CHRNB3: variants seen among roughly 807,000 people sequenced by gnomAD.
The protein encoded by CHRNB3 is neuronal acetylcholine receptor subunit beta-3.
In CHRNB3, 37 loss-of-function variants were observed where a neutral mutation model predicts 40.6. The observed-to-expected ratio is 0.91, with a 90% CI of 0.70 to 1.20. The LOEUF is 1.20. Among genes scored for constraint, CHRNB3 ranks in the 50% most tolerant of loss-of-function variants. The pLI is 0.00. For missense variants in CHRNB3, 505 were observed against 551.2 expected (o/e 0.92, Z 0.84); for synonymous variants, 207 against 207.1 (o/e 1.00, Z 0.00).
At chr8:42,722,848 T>C (rs1003476839) in intron 3 of CHRNB3, among the ~76,000 whole-genome samples, 3 of 152,140 alleles carry the variant, frequency 2.0e-5, no homozygotes, top group East Asian at 1.9e-4. Flanking sequence ...GGGTTACAGA[T>C]GTGAGCCACC....
At chr8:42,710,878 G>T (rs1302922985) in intron 3 of CHRNB3, among the ~76,000 whole-genome samples, 1 of 152,182 alleles carries the variant, frequency 6.6e-6, no homozygotes, top group Admixed American at 6.5e-5. Flanking sequence ...TTCCAAGGAA[G>T]AACTGAGCCC....
Position 42,736,963 on chromosome 8 carries a change from G to T in CHRNB3, c.*345G>T, listed in dbSNP as rs1356939305. The T allele has an allele frequency of 3.3e-5, 7 of 209,568 alleles. No homozygotes were observed. Among genetic ancestry groups the T allele is most frequent in the Non-Finnish European group, 5.7e-5 (6 of 105,912 alleles). The allele number at this position is 209,568 out of a possible 1,614,324, so 13.0% of individuals were successfully genotyped here. On this transcript the variant is annotated 3_prime_UTR_variant, in exon 6 of 6. Coordinates refer to ENST00000289957, the MANE Select transcript of CHRNB3 (RefSeq NM_000749.5). ...CACCTCCTAGAAGCAGCAGGCCTCG[G>T]TGGTGGGGGAGGGGGGATTCACCTG...
At chr8:42,701,304 G>C (rs1815793875) in intron 1 of CHRNB3, among the ~76,000 whole-genome samples, 1 of 150,626 alleles carries the variant, frequency 6.6e-6, no homozygotes, top group Admixed American at 6.6e-5. Context: ...ATTTTGGGAG[G>C]CCAAAGCAGG....
intron 1 of CHRNB3, among the ~76,000 whole-genome samples, chr8:42,708,226 G>A (rs532466712): frequency 8.1e-4 from 124 of 152,296 alleles, no homozygotes; most frequent in Middle Eastern, 3.4e-3. Flanking sequence ...CAGCACTTTG[G>A]GAGGCTGAGG....
intron 3 of CHRNB3, among the ~76,000 whole-genome samples, chr8:42,724,299 A>T (rs79615301): frequency 6.6e-6 from 1 of 152,038 alleles, no homozygotes; most frequent in East Asian, 1.9e-4. Context: ...AACCCCCAAC[A>T]CCTAACATAA....
At chr8:42,723,231 T>C (rs985165168) in intron 3 of CHRNB3, among the ~76,000 whole-genome samples, 2 of 152,150 alleles carry the variant, frequency 1.3e-5, no homozygotes, top group Non-Finnish European at 2.9e-5. Flanking sequence ...CTATTGCTTA[T>C]ATTTTATTAT....
At chr8:42,701,622 AC>A (rs1371746558) in intron 1 of CHRNB3, among the ~76,000 whole-genome samples, 1 of 152,176 alleles carries the variant, frequency 6.6e-6, no homozygotes, top group Non-Finnish European at 1.5e-5. Context: ...TTAAAGTGTT[AC>A]TAGGGACCTT....
In CHRNB3 at chr8:42,733,592, CTT is replaced by C. The variant is rs1208342996; in HGVS notation, c.1242+1063_1242+1064del. On this transcript the variant is annotated intron_variant, in intron 5 of 5. Coordinates refer to ENST00000289957, the MANE Select transcript of CHRNB3 (RefSeq NM_000749.5). Reference sequence around the variant, plus strand: ...TCTAATTATCATCCTCATCCTTCTTCTTTTTTTTTTTTTTTTTTTTTGAGAGG... The same window carrying C: ...TCTAATTATCATCCTCATCCTTCTTCTTTTTTTTTTTTTTTTTTTGAGAGG... 7.9e-3 allele frequency among the ~76,000 whole-genome samples: 798 copies of C among 101,042 alleles called. 7 individuals carry two copies. Among genetic ancestry groups the C allele is most frequent in the African/African-American group, 0.02 (510 of 25,318 alleles). 66.3% of individuals were successfully genotyped at this position (101,042 alleles called of 152,430 possible). A position where few individuals can be genotyped will look rare whatever the true frequency, so the allele number is the denominator to read the frequency against.
At chr8:42,699,006 T>C (rs1462567306) in intron 1 of CHRNB3, among the ~76,000 whole-genome samples, 1 of 152,242 alleles carries the variant, frequency 6.6e-6, no homozygotes, top group Non-Finnish European at 1.5e-5. Context: ...CTTTCACAGA[T>C]CTATAATAAA....
intron 1 of CHRNB3, among the ~76,000 whole-genome samples, chr8:42,698,227 A>G (rs1815711368): frequency 6.6e-6 from 1 of 152,214 alleles, no homozygotes; most frequent in Non-Finnish European, 1.5e-5. Context: ...GAAAGAACAA[A>G]AAGAGAAAAA....
intron 3 of CHRNB3, 93 bp downstream of exon 3, chr8:42,710,527 C>A: frequency 2.0e-6 from 2 of 984,026 alleles, no homozygotes; most frequent in Non-Finnish European, 3.1e-6. Context: ...TTTAAGAGGG[C>A]ATATTGTGTT....
chr8:42,731,994 G>T lies in CHRNB3; in HGVS notation c.687G>T (p.Leu229=). 2 of 1,614,070 alleles carry T rather than the reference G, an allele frequency of 1.2e-6. No individual in the cohort carries two copies. The highest frequency in any genetic ancestry group is 2.2e-5 in the South Asian group (2 of 91,070). The part of the protein sequence containing the change: ...SYPFITYSFV[L]RRLPLFYTLF... ...CCTTTATCACGTATTCCTTCGTCCT[G>T]AGACGCCTGCCTTTATTCTATACCC... is the stretch of plus-strand genomic sequence containing the variant. Residue 229 remains leucine (L), a synonymous_variant, in exon 5 of 6, where the codon CTG becomes CTT. Transcript: ENST00000289957.
At chr8:42,703,894 C>G (rs1486204877) in intron 1 of CHRNB3, among the ~76,000 whole-genome samples, 1 of 152,230 alleles carries the variant, frequency 6.6e-6, no homozygotes, top group East Asian at 1.9e-4. Context: ...GGCTTGTCCT[C>G]TAAGTCTGCT....
chr8:42,730,485 C>G, intron 3 of CHRNB3, 109 bp from the exon 4 acceptor site: 1 of 680,796 alleles, frequency 1.5e-6, no homozygotes, highest in Admixed American at 3.1e-5. Flanking sequence ...GGACAATTTC[C>G]TTTTCTTAAT....
intron 5 of CHRNB3, among the ~76,000 whole-genome samples, chr8:42,733,274 A>G (rs1282436495): frequency 1.3e-5 from 2 of 152,024 alleles, no homozygotes; most frequent in Admixed American, 1.3e-4. Context: ...AGCCTGGGCA[A>G]TAAAGCAAGA....
At chr8:42,722,878 G>A (rs75423960) in intron 3 of CHRNB3, among the ~76,000 whole-genome samples, 8,692 of 152,078 alleles carry the variant, frequency 0.057, 328 homozygotes, top group Middle Eastern at 0.11. Context: ...TCCCTCTTGG[G>A]GGAGGGATGG....
At chr8:42,719,191 A>C (rs1454782109) in intron 3 of CHRNB3, among the ~76,000 whole-genome samples, 2 of 152,182 alleles carry the variant, frequency 1.3e-5, no homozygotes, top group African/African-American at 4.8e-5. Flanking sequence ...AAAACCTCGC[A>C]GCCCCTTAGA....
In CHRNB3 at chr8:42,735,539, G is replaced by GCAAAA. The variant is rs377595318; in HGVS notation, c.1243-924_1243-920dup. On this transcript the variant is annotated intron_variant, in intron 5 of 5. Coordinates refer to ENST00000289957, the MANE Select transcript of CHRNB3 (RefSeq NM_000749.5). ...CAGAGTGAGACTATGTCTCAAAAAA[G>GCAAAA]CAAAACAAAACAAAACAAAACAAAA... is the stretch of plus-strand genomic sequence containing the variant. Among the ~76,000 whole-genome samples the GCAAAA allele has an allele frequency of 4.0e-3, 615 of 152,116 alleles. 3 individuals carry two copies. The highest frequency in any genetic ancestry group is 0.014 in the African/African-American group (564 of 41,498).
At chr8:42,710,501 A>G in intron 3 of CHRNB3, 67 bp downstream of exon 3, 2 of 1,263,780 alleles carry the variant, frequency 1.6e-6, no homozygotes, top group Admixed American at 2.0e-5. Context: ...AAAGGCTCCT[A>G]TCTGAAAAAC....
Sources: allele counts gnomAD v4.1 joint callset (sites outside exome capture counted in the v4.1 genomes callset), GRCh38; gene constraint gnomAD v4.1.1; transcripts MANE v1.5; gene names NCBI Gene and HGNC (gene_info 2026-07-23, HGNC 2026-07-21).